Variants in DRC9 observed in about 807,000 individuals in gnomAD.
DRC9 encodes the protein dynein regulatory complex subunit 9, also known as dynein regulatory complex protein 9.
chr3:197,950,796 A>T, the DRC9 span: 16 of 701,282 alleles, frequency 2.3e-5, no homozygotes, highest in East Asian at 4.0e-4. Context: ...TTTCATATGG[A>T]TGTTCTGGCA....
the DRC9 span, among the ~76,000 whole-genome samples, chr3:197,935,950 A>C: frequency 0.067 from 10,226 of 152,006 alleles, 494 homozygotes; most frequent in South Asian, 0.11. Flanking sequence ...AAGCCAATTA[A>C]GATGTTTAGA....
At chr3:197,941,143 CT>C in the DRC9 span, among the ~76,000 whole-genome samples, 7 of 150,956 alleles carry the variant, frequency 4.6e-5, no homozygotes, top group African/African-American at 1.5e-4. Context: ...TCCTTCCTTC[CT>C]TCCCTCCCTC....
the DRC9 span, chr3:197,945,617 T>C: frequency 6.3e-7 from 1 of 1,580,458 alleles, no homozygotes. Flanking sequence ...ATTTTAAACA[T>C]ACTCTTCCAT....
the DRC9 span, among the ~76,000 whole-genome samples, chr3:197,893,658 A>C: frequency 8.0e-5 from 12 of 150,572 alleles, no homozygotes; most frequent in South Asian, 2.3e-3. Flanking sequence ...CCTGGCTAAC[A>C]CGGTGAAACC....
chr3:197,898,178 C>T, the DRC9 span, among the ~76,000 whole-genome samples: 6 of 152,226 alleles, frequency 3.9e-5, no homozygotes, highest in African/African-American at 1.2e-4. Flanking sequence ...AGGAAGCCTA[C>T]GCTCTTCCCT....
the DRC9 span, among the ~76,000 whole-genome samples, chr3:197,915,788 C>T: frequency 1.3e-5 from 2 of 152,106 alleles, no homozygotes; most frequent in Admixed American, 1.3e-4. Context: ...CACCACCACA[C>T]CCAGCTAATT....
At chr3:197,960,099 G>C in the DRC9 span, 1 of 794,546 alleles carries the variant, frequency 1.3e-6, no homozygotes, top group Non-Finnish European at 1.9e-6. Flanking sequence ...CTCATCTTCT[G>C]CGGCGAACTT....
At chr3:197,937,412 T>C in the DRC9 span, among the ~76,000 whole-genome samples, 1 of 152,098 alleles carries the variant, frequency 6.6e-6, no homozygotes, top group Admixed American at 6.5e-5. Flanking sequence ...ACTAAAGCCT[T>C]ATTTCTAACC....
At chr3:197,951,082 T>G in the DRC9 span, 2 of 1,607,248 alleles carry the variant, frequency 1.2e-6, no homozygotes, top group East Asian at 4.5e-5. Flanking sequence ...TCTGAGTAAC[T>G]TTTGGGTGGG....
chr3:197,904,108 ATATTTT>A, the DRC9 span, among the ~76,000 whole-genome samples: 18 of 38,698 alleles, frequency 4.7e-4, no homozygotes, highest in African/African-American at 1.5e-3. Flanking sequence ...ATATATATAT[ATATTTT>A]TTTTTTTAAA....
At chr3:197,946,105 G>T in the DRC9 span, among the ~76,000 whole-genome samples, 3 of 152,010 alleles carry the variant, frequency 2.0e-5, no homozygotes, top group Non-Finnish European at 4.4e-5. Context: ...GCTCCACATG[G>T]ACTTAGAGGA....
the DRC9 span, among the ~76,000 whole-genome samples, chr3:197,937,299 A>G: frequency 6.6e-6 from 1 of 152,272 alleles, no homozygotes; most frequent in East Asian, 1.9e-4. Context: ...AGAAACCCTC[A>G]GGATTAAAAC....
At chr3:197,906,291 T>C in the DRC9 span, 1 of 152,260 alleles carries the variant, frequency 6.6e-6, no homozygotes, top group Admixed American at 6.5e-5. Flanking sequence ...CGCAGGAGGA[T>C]TCCTGCTGGC....
the DRC9 span, among the ~76,000 whole-genome samples, chr3:197,936,311 C>T: frequency 6.6e-6 from 1 of 152,144 alleles, no homozygotes; most frequent in Non-Finnish European, 1.5e-5. Flanking sequence ...AAGCTTCCTA[C>T]AAATTCCCAT....
At chr3:197,937,735 C>T in the DRC9 span, among the ~76,000 whole-genome samples, 3 of 152,042 alleles carry the variant, frequency 2.0e-5, no homozygotes, top group Non-Finnish European at 4.4e-5. Context: ...GCCTCTACCT[C>T]CCAAAGTGCC....
chr3:197,927,630 A>G, the DRC9 span, among the ~76,000 whole-genome samples: 2 of 152,264 alleles, frequency 1.3e-5, no homozygotes, highest in Non-Finnish European at 2.9e-5. Context: ...CACAAAAAAT[A>G]GATAAGAAAG....
At chr3:197,953,286 GGATT>G in the DRC9 span, among the ~76,000 whole-genome samples, 1 of 152,200 alleles carries the variant, frequency 6.6e-6, no homozygotes, top group African/African-American at 2.4e-5. Context: ...CTAGGTGGGA[GGATT>G]GCTTGATGCC....
chr3:197,902,614 A>G, the DRC9 span, among the ~76,000 whole-genome samples: 2 of 151,986 alleles, frequency 1.3e-5, no homozygotes, highest in Non-Finnish European at 2.9e-5. Context: ...GAAGTGATCA[A>G]GCAGAAGAAG....
chr3:197,941,312 CT>C, the DRC9 span, among the ~76,000 whole-genome samples: 1 of 126,616 alleles, frequency 7.9e-6, no homozygotes, highest in Non-Finnish European at 1.6e-5. Context: ...CCCTCCTTCC[CT>C]TTCTTCCTTC....
Sources: allele counts gnomAD v4.1 joint callset (sites outside exome capture counted in the v4.1 genomes callset), GRCh38; gene constraint gnomAD v4.1.1; transcripts MANE v1.5; gene names NCBI Gene and HGNC (gene_info 2026-07-23, HGNC 2026-07-21).